The following KCMF1 variants were observed in gnomAD, a reference collection of about 807,000 sequenced individuals.
The protein encoded by KCMF1 is potassium channel modulatory factor 1.
A neutral mutation model predicts 41.1 loss-of-function variants in KCMF1; 3 were observed. That is an observed-to-expected ratio of 0.07 (90% confidence interval 0.03 to 0.19). The LOEUF (loss-of-function observed/expected upper bound fraction) is 0.19. KCMF1 is among the 10% of genes least tolerant of loss of function. KCMF1 has a pLI of 1.00. For missense variants in KCMF1, 286 were observed against 488.9 expected (o/e 0.58, Z 3.91); for synonymous variants, 142 against 164.5 (o/e 0.86, Z 1.04).
intron 5 of KCMF1, 71 bp from the exon 6 acceptor site, chr2:85,049,295 A>G (rs891282647): frequency 4.1e-6 from 6 of 1,472,856 alleles, no homozygotes; most frequent in African/African-American, 1.4e-5. Context: ...GTTCCAGTAA[A>G]AGAGTGATCT....
chr2:85,033,351 T>C (rs1472484658), intron 2 of KCMF1, among the ~76,000 whole-genome samples: 1 of 152,220 alleles, frequency 6.6e-6, no homozygotes, highest in Non-Finnish European at 1.5e-5. Context: ...TTAATTTTAT[T>C]TTATGTTTCT....
chr2:85,034,995 C>T lies in KCMF1; in HGVS notation c.185-21C>T, dbSNP rs541049166. The T allele has an allele frequency of 2.3e-5, 36 of 1,582,012 alleles. No homozygotes were observed. In the South Asian group the frequency reaches 3.9e-4, roughly 17 times the overall value. On this transcript the variant is annotated intron_variant, in intron 2 of 6. Transcript: ENST00000409785. ...GTTTAAAAACTAATATTCCTCAATG[C>T]AATTCTACCTTATTTTTCAGATTTA...
chr2:85,055,556 C>T lies in KCMF1; in HGVS notation c.*2147C>T, dbSNP rs186833500. ...AGAAGACCTAAGGAGTCATAAGATTCCATCTCATGTAGAATACTGTATATT... is the reference window on the plus strand; with the variant it reads ...AGAAGACCTAAGGAGTCATAAGATTTCATCTCATGTAGAATACTGTATATT... On this transcript the variant is annotated 3_prime_UTR_variant, in exon 7 of 7. Transcript: ENST00000409785. 6.6e-6 allele frequency: 1 copy of T among 152,222 alleles called. No homozygotes were observed. Among genetic ancestry groups the T allele is most frequent in the East Asian group, 1.9e-4 (1 of 5,186 alleles). The allele number at this position is 152,222 out of a possible 1,614,324, so 9.4% of individuals were successfully genotyped here.
rs891597450 is a variant in KCMF1, at chr2:85,053,981, G to A, written c.*572G>A. 5 of 152,482 alleles carry A rather than the reference G, an allele frequency of 3.3e-5. No homozygotes were observed. The highest frequency in any genetic ancestry group is 5.9e-5 in the Non-Finnish European group (4 of 68,296). 9.4% of individuals were successfully genotyped at this position (152,482 alleles called of 1,614,324 possible). ...GCCTCCTACGCACAAAGCCAGCTCT[G>A]CAGTGGAATCTGGGGATTATAGCCG... On this transcript the variant is annotated 3_prime_UTR_variant, in exon 7 of 7. Transcript: ENST00000409785.
At chr2:85,028,920 CTCTG>C (rs1675188349) in intron 2 of KCMF1, among the ~76,000 whole-genome samples, 1 of 152,104 alleles carries the variant, frequency 6.6e-6, no homozygotes, top group African/African-American at 2.4e-5. Context: ...AAGAAATATG[CTCTG>C]TCTTTTGTTC....
chr2:85,012,284 T>TA (rs1674672010), intron 1 of KCMF1, among the ~76,000 whole-genome samples: 2 of 152,234 alleles, frequency 1.3e-5, no homozygotes, highest in Non-Finnish European at 2.9e-5. Context: ...GGATTGGAGT[T>TA]ATTACCATAC....
intron 3 of KCMF1, among the ~76,000 whole-genome samples, chr2:85,039,270 G>A (rs1383690217): frequency 6.6e-6 from 1 of 152,156 alleles, no homozygotes; most frequent in Non-Finnish European, 1.5e-5. Context: ...CTAGAAATAG[G>A]AATGTGGTTA....
At chr2:85,011,689 AT>A (rs1365050558) in intron 1 of KCMF1, among the ~76,000 whole-genome samples, 3 of 150,490 alleles carry the variant, frequency 2.0e-5, no homozygotes, top group Non-Finnish European at 4.4e-5. Flanking sequence ...ACCTCTTCCC[AT>A]TTTTTTTTGT....
intron 1 of KCMF1, among the ~76,000 whole-genome samples, chr2:84,993,547 C>CTTT (rs1559128164): frequency 5.0e-5 from 7 of 140,712 alleles, no homozygotes; most frequent in South Asian, 2.3e-4. Flanking sequence ...TCTCTACCCC[C>CTTT]ATTATTTATT....
chr2:85,030,479 GAT>G, intron 2 of KCMF1, among the ~76,000 whole-genome samples: 1 of 152,090 alleles, frequency 6.6e-6, no homozygotes. Context: ...CTTACATTTA[GAT>G]ATTTGACCCA....
At chr2:85,045,832 T>C (rs1322275682) in intron 4 of KCMF1, among the ~76,000 whole-genome samples, 4 of 152,156 alleles carry the variant, frequency 2.6e-5, no homozygotes, top group South Asian at 2.1e-4. Flanking sequence ...TCATTATAGG[T>C]GGTATTTGAG....
intron 1 of KCMF1, among the ~76,000 whole-genome samples, chr2:84,996,430 A>ATTTTTTTTTTTTTTTTTTTTTTTTTTTTT (rs869089697): frequency 8.1e-6 from 1 of 124,062 alleles, no homozygotes; most frequent in Non-Finnish European, 1.7e-5. Context: ...ATAACCTAAG[A>ATTTTTTTTTTTTTTTTTTTTTTTTTTTTT]TTTTTTTTTT....
At chr2:85,042,756 G>A (rs1027380217) in intron 3 of KCMF1, among the ~76,000 whole-genome samples, 1 of 152,016 alleles carries the variant, frequency 6.6e-6, no homozygotes, top group Non-Finnish European at 1.5e-5. Context: ...TCTTTAAAAC[G>A]TTCCTCATTC....
intron 1 of KCMF1, among the ~76,000 whole-genome samples, chr2:84,996,688 G>A (rs1437448046): frequency 1.3e-5 from 2 of 151,864 alleles, no homozygotes; most frequent in African/African-American, 2.4e-5. Flanking sequence ...CACCTGCCTC[G>A]GCCTCCTAAA....
chr2:85,008,363 T>G (rs7599873), intron 1 of KCMF1, among the ~76,000 whole-genome samples: 9 of 13,402 alleles, frequency 6.7e-4, no homozygotes, highest in Non-Finnish European at 1.2e-3. Flanking sequence ...TAATATATAT[T>G]ATATATCATA....
intron 1 of KCMF1, among the ~76,000 whole-genome samples, chr2:85,016,981 A>G (rs1307615895): frequency 2.2e-5 from 2 of 92,594 alleles, no homozygotes; most frequent in African/African-American, 4.2e-5. Context: ...CATCTTTTTT[A>G]CTTGCTTTTG....
chr2:85,046,045 C>T, intron 4 of KCMF1, 59 bp from the exon 5 acceptor site: 1 of 1,381,156 alleles, frequency 7.2e-7, no homozygotes, highest in Non-Finnish European at 1.0e-6. Flanking sequence ...AGCAAGGACT[C>T]AGGTGATTTT....
At chr2:84,975,890 C>A (rs146009394) in intron 1 of KCMF1, among the ~76,000 whole-genome samples, 1 of 152,246 alleles carries the variant, frequency 6.6e-6, no homozygotes, top group Non-Finnish European at 1.5e-5. Flanking sequence ...TAGATTAGAG[C>A]CTAATTGATT....
intron 1 of KCMF1, among the ~76,000 whole-genome samples, chr2:84,982,384 ATTTTCTTTTTTTTTTTT>A (rs1673783514): frequency 2.8e-5 from 1 of 35,880 alleles, no homozygotes; most frequent in African/African-American, 1.1e-4. Context: ...TGTGTTCCTT[ATTTTCTTTTTTTTTTTT>A]TTTTTTTTTT....
Sources: allele counts gnomAD v4.1 joint callset (sites outside exome capture counted in the v4.1 genomes callset), GRCh38; gene constraint gnomAD v4.1.1; transcripts MANE v1.5; gene names NCBI Gene and HGNC (gene_info 2026-07-23, HGNC 2026-07-21).